Variants in STARD13 observed in about 807,000 individuals in gnomAD.
STARD13 encodes the protein StAR related lipid transfer domain containing 13, also known as stAR-related lipid transfer protein 13.
A neutral mutation model predicts 106.4 loss-of-function variants in STARD13; 62 were observed. The observed-to-expected ratio is 0.58, with a 90% confidence interval of 0.48 to 0.72. The LOEUF is 0.72. Among genes scored for constraint, STARD13 ranks in the 30% least tolerant of loss-of-function variants. The pLI, the probability that STARD13 is intolerant of heterozygous loss-of-function variation, is 0.00. For synonymous variants in STARD13, 565 were observed against 553.0 expected, an observed-to-expected ratio of 1.02 and a Z score of -0.31; for missense variants, 1,387 against 1,424.0, an observed-to-expected ratio of 0.97 and a Z score of 0.42.
the STARD13 span, among the ~76,000 whole-genome samples, chr13:33,541,423 C>T: frequency 6.6e-6 from 1 of 152,118 alleles, no homozygotes; most frequent in Non-Finnish European, 1.5e-5. Flanking sequence ...TATTTCTGAC[C>T]AATCTTGAAT....
chr13:33,334,576 A>C (rs2077873221), intron 1 of STARD13, among the ~76,000 whole-genome samples: 3 of 152,200 alleles, frequency 2.0e-5, no homozygotes, highest in Admixed American at 2.0e-4. Context: ...CCCAAGACAT[A>C]AAAGGAGAGA....
At chr13:33,262,328 T>C (rs1890679222) in intron 1 of STARD13, among the ~76,000 whole-genome samples, 1 of 152,146 alleles carries the variant, frequency 6.6e-6, no homozygotes, top group African/African-American at 2.4e-5. Flanking sequence ...CGGTCCTGCC[T>C]CTGCTAGAGG....
chr13:33,651,397 C>T, the STARD13 span, among the ~76,000 whole-genome samples: 1 of 152,258 alleles, frequency 6.6e-6, no homozygotes, highest in East Asian at 1.9e-4. Context: ...TCAATGTGTT[C>T]ATAAACTAGC....
chr13:33,600,031 G>A, the STARD13 span, among the ~76,000 whole-genome samples: 13 of 152,156 alleles, frequency 8.5e-5, no homozygotes, highest in African/African-American at 3.1e-4. Context: ...CTCACCCACA[G>A]GGAACCCATC....
the STARD13 span, among the ~76,000 whole-genome samples, chr13:33,418,310 C>G: frequency 6.6e-6 from 1 of 152,226 alleles, no homozygotes; most frequent in African/African-American, 2.4e-5. Context: ...TTGGCAGGTC[C>G]CACGCCCACG....
At chr13:33,398,576 A>AAT in the STARD13 span, among the ~76,000 whole-genome samples, 1 of 152,056 alleles carries the variant, frequency 6.6e-6, no homozygotes, top group African/African-American at 2.4e-5. Context: ...ATAGATGCAG[A>AAT]ATATATATAA....
chr13:33,362,519 A>G, the STARD13 span, among the ~76,000 whole-genome samples: 1 of 152,312 alleles, frequency 6.6e-6, no homozygotes, highest in Middle Eastern at 3.4e-3. Context: ...GATTTAATGG[A>G]TTTTATTGAT....
At chr13:33,333,187 C>T (rs150156750) in intron 1 of STARD13, among the ~76,000 whole-genome samples, 127 of 152,080 alleles carry the variant, frequency 8.4e-4, no homozygotes, top group African/African-American at 2.6e-3. Flanking sequence ...GTCAGGAGTT[C>T]GAGACAAGCC....
intron 1 of STARD13, among the ~76,000 whole-genome samples, chr13:33,325,288 G>A (rs1374569352): frequency 6.6e-6 from 1 of 152,172 alleles, no homozygotes; most frequent in African/African-American, 2.4e-5. Flanking sequence ...TGGCTGGCAT[G>A]TGAGGCCTCA....
At chr13:33,301,098 T>A (rs534210002) in intron 1 of STARD13, among the ~76,000 whole-genome samples, 1 of 152,244 alleles carries the variant, frequency 6.6e-6, no homozygotes, top group Non-Finnish European at 1.5e-5. Context: ...ATCTGTCTAT[T>A]CCCCTAGCTT....
chr13:33,461,884 A>G, the STARD13 span, among the ~76,000 whole-genome samples: 7 of 152,224 alleles, frequency 4.6e-5, no homozygotes, highest in African/African-American at 1.7e-4. Context: ...ATACAGTCTT[A>G]AAAGTCCAGA....
At chr13:33,443,544 T>C in the STARD13 span, among the ~76,000 whole-genome samples, 1 of 151,952 alleles carries the variant, frequency 6.6e-6, no homozygotes, top group Non-Finnish European at 1.5e-5. Context: ...CCCCTCTGTT[T>C]GGAAATCCAA....
At chr13:33,400,925 A>G in the STARD13 span, among the ~76,000 whole-genome samples, 1 of 152,254 alleles carries the variant, frequency 6.6e-6, no homozygotes, top group Non-Finnish European at 1.5e-5. Context: ...ATTAACGTGG[A>G]ATGTCAAAAC....
intron 3 of STARD13, among the ~76,000 whole-genome samples, chr13:33,153,293 T>G (rs1436411786): frequency 6.6e-6 from 1 of 152,164 alleles, no homozygotes; most frequent in Non-Finnish European, 1.5e-5. Context: ...GAAAGTCCCT[T>G]GCATGGTCAG....
At chr13:33,237,005 T>C (rs565882225) in intron 1 of STARD13, among the ~76,000 whole-genome samples, 70 of 152,244 alleles carry the variant, frequency 4.6e-4, no homozygotes, top group African/African-American at 1.7e-3. Flanking sequence ...TTACTTTTGG[T>C]TTTCACTGCT....
the STARD13 span, among the ~76,000 whole-genome samples, chr13:33,656,211 A>G: frequency 6.6e-6 from 1 of 152,214 alleles, no homozygotes; most frequent in Admixed American, 6.5e-5. Flanking sequence ...TCTCTGTTCT[A>G]TACCCCGTGC....
At chr13:33,509,779 A>G in the STARD13 span, among the ~76,000 whole-genome samples, 3 of 152,192 alleles carry the variant, frequency 2.0e-5, no homozygotes, top group African/African-American at 7.2e-5. Flanking sequence ...GGCTCAGCAA[A>G]CAGCCCAGAG....
chr13:33,276,930 C>T (rs1891468788), intron 1 of STARD13, among the ~76,000 whole-genome samples: 1 of 152,066 alleles, frequency 6.6e-6, no homozygotes, highest in African/African-American at 2.4e-5. Context: ...GACAGTCTAG[C>T]CAGACACTGT....
the STARD13 span, among the ~76,000 whole-genome samples, chr13:33,359,187 C>T: frequency 2.0e-5 from 3 of 152,164 alleles, no homozygotes; most frequent in Middle Eastern, 3.2e-3. Context: ...ACTGCTCACT[C>T]TTTGGGTCCA....
Sources: gnomAD v4.1 joint callset for allele counts (sites outside exome capture counted in the v4.1 genomes callset) on GRCh38, gnomAD v4.1.1 for gene constraint, MANE v1.5 for transcripts, NCBI Gene and HGNC (gene_info 2026-07-23, HGNC 2026-07-21) for gene names.